ABCC1: variants seen among roughly 807,000 people sequenced by gnomAD.
The protein encoded by ABCC1 is ATP binding cassette subfamily C member 1 (ABCC1 blood group).
ABCC1 carries 83 observed loss-of-function variants against 172.9 expected under a neutral mutation model. The ratio of observed to expected loss-of-function variants is 0.48; its 90% CI spans 0.40 to 0.58. The LOEUF (loss-of-function observed/expected upper bound fraction) is 0.58, where lower values mean the gene tolerates loss of function less well. ABCC1 is among the 20% of genes least tolerant of loss of function. The pLI is 0.00. For synonymous variants in ABCC1, 937 were observed against 825.2 expected (o/e 1.14, Z -2.32); for missense variants, 1,817 against 2,002.7 (o/e 0.91, Z 1.77).
chr16:16,081,854 T>C (rs1417631656), intron 16 of ABCC1, among the ~76,000 whole-genome samples: 2 of 152,052 alleles, frequency 1.3e-5, no homozygotes, highest in South Asian at 2.1e-4. Flanking sequence ...ACCCCGTCTC[T>C]ACTGAAAATA....
At chr16:16,007,041 G>A (rs181408922) in intron 1 of ABCC1, among the ~76,000 whole-genome samples, 188 of 152,308 alleles carry the variant, frequency 1.2e-3, no homozygotes, top group Middle Eastern at 3.4e-3. Flanking sequence ...GAGTGATCTA[G>A]ATGACACAGG....
chr16:15,985,059 C>T (rs1165627765), intron 1 of ABCC1, among the ~76,000 whole-genome samples: 9 of 152,130 alleles, frequency 5.9e-5, no homozygotes, highest in African/African-American at 1.2e-4. Flanking sequence ...GCCATGATCA[C>T]GCCACTGCAC....
At chr16:16,077,980 A>G (rs1180075160) in intron 15 of ABCC1, among the ~76,000 whole-genome samples, 1 of 152,148 alleles carries the variant, frequency 6.6e-6, no homozygotes, top group Non-Finnish European at 1.5e-5. Context: ...CAATGTGGGG[A>G]AACCCCATCT....
chr16:16,032,599 G>A (rs1156881826), intron 5 of ABCC1, among the ~76,000 whole-genome samples: 2 of 152,198 alleles, frequency 1.3e-5, no homozygotes, highest in Non-Finnish European at 2.9e-5. Flanking sequence ...ATAAAATAAT[G>A]CAAGTATATA....
intron 7 of ABCC1, among the ~76,000 whole-genome samples, chr16:16,043,222 G>GTTTTTTTTTTTTT (rs147161637): frequency 1.1e-5 from 1 of 89,502 alleles, no homozygotes. Flanking sequence ...TGGCTGGACT[G>GTTTTTTTTTTTTT]TTTTTTTTTT....
intron 25 of ABCC1, 124 bp downstream of exon 25, chr16:16,125,039 G>C: frequency 1.4e-6 from 2 of 1,434,008 alleles, no homozygotes; most frequent in Non-Finnish European, 1.9e-6. Flanking sequence ...CGGAGTTTGA[G>C]GAGCAGGTAC....
At chr16:16,104,861 G>T (rs2152067376) in intron 20 of ABCC1, among the ~76,000 whole-genome samples, 1 of 152,312 alleles carries the variant, frequency 6.6e-6, no homozygotes, top group South Asian at 2.1e-4. Context: ...TGCAGCAGCT[G>T]CTGGCCCAGG....
intron 7 of ABCC1, among the ~76,000 whole-genome samples, chr16:16,037,971 C>G (rs2048820095): frequency 6.6e-6 from 1 of 152,028 alleles, no homozygotes; most frequent in Admixed American, 6.6e-5. Context: ...TGTCCATGAC[C>G]CAGTTGAAGG....
chr16:15,978,366 T>TCAAA (rs111918364), intron 1 of ABCC1, among the ~76,000 whole-genome samples: 1,706 of 152,054 alleles, frequency 0.011, 21 homozygotes, highest in African/African-American at 0.028. Flanking sequence ...AAACCCCATC[T>TCAAA]CAAACAAACA....
chr16:16,006,417 CAAAAAAAGAAA>C (rs1340552471), intron 1 of ABCC1, among the ~76,000 whole-genome samples: 1 of 100,534 alleles, frequency 9.9e-6, no homozygotes, highest in African/African-American at 3.3e-5. Context: ...GACCTCATTT[CAAAAAAAGAAA>C]AAAAAAAGAA....
intron 1 of ABCC1, among the ~76,000 whole-genome samples, chr16:15,974,765 A>G (rs1048182507): frequency 2.6e-5 from 4 of 152,152 alleles, no homozygotes; most frequent in Non-Finnish European, 4.4e-5. Flanking sequence ...TCAATGCAGT[A>G]TAATAATAGC....
At chr16:16,106,494 A>G (rs1038785675) in intron 20 of ABCC1, 9 of 400,202 alleles carry the variant, frequency 2.2e-5, no homozygotes, top group South Asian at 1.0e-4. Context: ...ATCATCACAG[A>G]TTGCGTTTCC....
rs150744434 is a variant in ABCC1 at position 16,116,712 on chromosome 16, G to A, written c.3390+1636G>A. Among the ~76,000 whole-genome samples the A allele has an allele frequency of 5.3e-5, 8 of 151,990 alleles. 1 individual carries two copies. The highest frequency in any genetic ancestry group is 3.4e-3 in the Middle Eastern group (1 of 294). ...CAAGTAGCTGGGATTACAGGCATGC[G>A]CCACACCCAGCTAGTTTTTGTATTT... is the stretch of plus-strand genomic sequence containing the variant. On this transcript the variant is annotated intron_variant, in intron 23 of 30. Transcript: ENST00000399410.
intron 21 of ABCC1, among the ~76,000 whole-genome samples, chr16:16,109,677 T>C (rs534417237): frequency 6.6e-6 from 1 of 152,248 alleles, no homozygotes; most frequent in Admixed American, 6.5e-5. Flanking sequence ...ACAGGGAATA[T>C]AGGAGGGAAA....
At chr16:16,016,691 A>T (rs1312711211) in intron 5 of ABCC1, 70 bp downstream of exon 5, 4 of 1,589,974 alleles carry the variant, frequency 2.5e-6, no homozygotes, top group Non-Finnish European at 3.4e-6. Flanking sequence ...GTACCAGCTA[A>T]CATTTCTTAG....
At chr16:16,043,244 C>G (rs796219357) in intron 7 of ABCC1, among the ~76,000 whole-genome samples, 618 of 42,246 alleles carry the variant, frequency 0.015, 10 homozygotes, top group African/African-American at 0.094. Flanking sequence ...TTTTTTTTTT[C>G]CACTGATGTA....
At chr16:15,956,321 C>T (rs1014222263) in intron 1 of ABCC1, among the ~76,000 whole-genome samples, 1 of 151,534 alleles carries the variant, frequency 6.6e-6, no homozygotes, top group African/African-American at 2.4e-5. Context: ...GCCGAGATCG[C>T]GCCATTGCAC....
chr16:16,124,335 G>GTGTGTATGTGTGTGTA (rs2045314930), intron 24 of ABCC1, among the ~76,000 whole-genome samples: 3 of 87,930 alleles, frequency 3.4e-5, no homozygotes, highest in African/African-American at 1.3e-4. Flanking sequence ...GTGTGTGTGT[G>GTGTGTATGTGTGTGTA]TGTGTGTGTG....
intron 1 of ABCC1, among the ~76,000 whole-genome samples, chr16:15,975,676 C>T (rs994340617): frequency 1.3e-5 from 2 of 151,872 alleles, no homozygotes; most frequent in African/African-American, 4.8e-5. Context: ...CCTTCCTCAG[C>T]TTCCTGAGTA....
Sources: gnomAD v4.1 joint callset for allele counts (sites outside exome capture counted in the v4.1 genomes callset) on GRCh38, gnomAD v4.1.1 for gene constraint, MANE v1.5 for transcripts, NCBI Gene and HGNC (gene_info 2026-07-23, HGNC 2026-07-21) for gene names.